Variants in SLC22A9 observed in about 807,000 individuals in gnomAD.
SLC22A9 encodes solute carrier family 22 member 9, also known as organic anion transporter 7.
Under a neutral mutation model 50.1 loss-of-function variants are expected in SLC22A9, and 64 were observed. That is an observed-to-expected ratio of 1.28 (90% CI 1.04 to 1.57). SLC22A9 has a LOEUF of 1.57. Ranked by LOEUF, SLC22A9 falls within the 40% of genes most tolerant of loss-of-function variation. SLC22A9 has a pLI of 0.00. For missense variants in SLC22A9, 757 were observed against 676.1 expected, an observed-to-expected ratio of 1.12 and a Z score of -1.33; for synonymous variants, 261 against 242.5, an observed-to-expected ratio of 1.08 and a Z score of -0.71.
At chr11:63,403,580 C>T (rs1487044085) in intron 6 of SLC22A9, among the ~76,000 whole-genome samples, 2 of 151,976 alleles carry the variant, frequency 1.3e-5, no homozygotes, top group Non-Finnish European at 2.9e-5. Context: ...TAATATTATA[C>T]TCAACAATAA....
intron 6 of SLC22A9, among the ~76,000 whole-genome samples, chr11:63,392,161 T>C (rs2014775279): frequency 6.6e-6 from 1 of 152,090 alleles, no homozygotes; most frequent in Non-Finnish European, 1.5e-5. Context: ...TTTTTAAATC[T>C]TACTGTATTT....
chr11:63,376,182 G>C (rs1024386548), intron 5 of SLC22A9, among the ~76,000 whole-genome samples: 4 of 152,088 alleles, frequency 2.6e-5, no homozygotes, highest in African/African-American at 7.2e-5. Flanking sequence ...TCACTTATTT[G>C]TTCATTCAAT....
intron 6 of SLC22A9, among the ~76,000 whole-genome samples, chr11:63,393,179 G>A (rs189933297): frequency 8.5e-5 from 13 of 152,072 alleles, no homozygotes; most frequent in Admixed American, 8.5e-4. Context: ...GTGTTTTGTA[G>A]CTTTCCTTGT....
intron 6 of SLC22A9, among the ~76,000 whole-genome samples, chr11:63,403,921 C>T (rs2120010697): frequency 6.6e-6 from 1 of 152,044 alleles, no homozygotes; most frequent in South Asian, 2.1e-4. Context: ...ATATAAAATG[C>T]TACACTCACC....
Position 63,408,872 on chromosome 11 carries a change from A to G in SLC22A9, c.1594A>G (p.Lys532Glu). The change falls in exon 9 of 10, where the codon AAA becomes GAA. Residue 532 changes from lysine (K) to glutamate (E), a missense_variant. Coordinates refer to ENST00000279178, the MANE Select transcript of SLC22A9 (RefSeq NM_080866.3). The stretch of plus-strand genomic sequence containing the variant: ...TCTGTTTGACACCATCCAGGATGAG[A>G]AAAATGAGTGAGTAAATAGCCCGGT... ...KPLFDTIQDE[K>E]NERKDPREPK... 7 of 1,613,834 alleles carry G rather than the reference A, an allele frequency of 4.3e-6. No homozygotes were observed. In the Middle Eastern group the frequency reaches 8.3e-4, roughly 191 times the overall value.
chr11:63,378,475 G>A (rs2014503286), intron 5 of SLC22A9, among the ~76,000 whole-genome samples: 3 of 152,008 alleles, frequency 2.0e-5, no homozygotes, highest in Admixed American at 6.6e-5. Flanking sequence ...AGACAAGGAT[G>A]TCCACACTCA....
intron 5 of SLC22A9, among the ~76,000 whole-genome samples, chr11:63,377,240 A>G (rs1203098838): frequency 6.6e-6 from 1 of 152,110 alleles, no homozygotes; most frequent in Non-Finnish European, 1.5e-5. Context: ...CAACAGCAGA[A>G]TATACGTTAT....
chr11:63,398,013 G>A (rs2014889868), intron 6 of SLC22A9, among the ~76,000 whole-genome samples: 1 of 152,090 alleles, frequency 6.6e-6, no homozygotes, highest in South Asian at 2.1e-4. Context: ...GCCAGCACAA[G>A]GCAGAGTCTC....
intron 3 of SLC22A9, 42 bp downstream of exon 3, chr11:63,373,840 T>C (rs2014409626): frequency 6.2e-7 from 1 of 1,604,618 alleles, no homozygotes; most frequent in African/African-American, 1.3e-5. Context: ...AACTGTGACT[T>C]TGAAATTGAA....
chr11:63,382,346 T>A, intron 6 of SLC22A9, 69 bp downstream of exon 6: 2 of 1,081,280 alleles, frequency 1.8e-6, no homozygotes, highest in Non-Finnish European at 1.3e-6. Flanking sequence ...TCATTTCAAG[T>A]AGTACAGCAT....
intron 9 of SLC22A9, among the ~76,000 whole-genome samples, 182 bp downstream of exon 9, chr11:63,409,061 C>T (rs2015090813): frequency 6.6e-6 from 1 of 152,102 alleles, no homozygotes; most frequent in Non-Finnish European, 1.5e-5. Context: ...CTCAGACACC[C>T]TCTGAGGCTC....
intron 5 of SLC22A9, among the ~76,000 whole-genome samples, chr11:63,377,565 A>C (rs1398082348): frequency 1.3e-5 from 2 of 152,092 alleles, no homozygotes; most frequent in Non-Finnish European, 2.9e-5. Context: ...CATGTTAAGA[A>C]GGAAACTTAT....
At chr11:63,408,479 T>C (rs776139547) in intron 8 of SLC22A9, among the ~76,000 whole-genome samples, 197 bp from the exon 9 acceptor site, 2 of 152,198 alleles carry the variant, frequency 1.3e-5, no homozygotes, top group Non-Finnish European at 2.9e-5. Context: ...ATTTCCTAAA[T>C]GATGAAAATG....
intron 6 of SLC22A9, among the ~76,000 whole-genome samples, chr11:63,395,628 G>A (rs1292122680): frequency 6.6e-6 from 1 of 152,168 alleles, no homozygotes; most frequent in African/African-American, 2.4e-5. Flanking sequence ...TGGCTAGTGG[G>A]TGAAATTGAC....
In SLC22A9 at chr11:63,387,293, T is replaced by C. The variant is rs535162379; in HGVS notation, c.1073+5016T>C. ...GTTTGAGGTCTTAGATTTAAGAATT[T>C]AATCCATTTTGATTTTATTTTTGTA... is the stretch of plus-strand genomic sequence containing the variant. On this transcript the variant is annotated intron_variant, in intron 6 of 9. Transcript: ENST00000279178. Among the ~76,000 whole-genome samples, 9 of 152,266 alleles carry C rather than the reference T, an allele frequency of 5.9e-5. 1 individual carries two copies. The South Asian group carries it at 1.9e-3, about 32-fold the overall frequency.
chr11:63,393,105 C>T (rs2014792827), intron 6 of SLC22A9, among the ~76,000 whole-genome samples: 1 of 152,164 alleles, frequency 6.6e-6, no homozygotes, highest in Non-Finnish European at 1.5e-5. Context: ...AATACTGATT[C>T]TACCCATCCA....
intron 5 of SLC22A9, among the ~76,000 whole-genome samples, chr11:63,377,270 A>G (rs886320382): frequency 5.9e-5 from 9 of 152,196 alleles, no homozygotes; most frequent in African/African-American, 1.9e-4. Flanking sequence ...CACATGACAC[A>G]TGCTCTCAAA....
chr11:63,394,474 C>G (rs970705355), intron 6 of SLC22A9, among the ~76,000 whole-genome samples: 8 of 152,092 alleles, frequency 5.3e-5, no homozygotes, highest in Admixed American at 3.3e-4. Context: ...ATCTTTCCTT[C>G]ATATGGGATG....
Position 63,408,233 on chromosome 11 carries a change from A to G in SLC22A9, c.1397+13A>G. ...CCACCATAATCAGGTACAGAACCTT[A>G]AGTATGCCCTGTCAGGTTCAAAATG... On this transcript the variant is annotated intron_variant, in intron 8 of 9. Coordinates refer to ENST00000279178, the MANE Select transcript of SLC22A9 (RefSeq NM_080866.3). The G allele has an allele frequency of 6.2e-7, 1 of 1,601,924 alleles. No individual in the cohort carries two copies. The highest frequency in any genetic ancestry group is 8.6e-7 in the Non-Finnish European group (1 of 1,169,186).
Sources: allele counts gnomAD v4.1 joint callset (sites outside exome capture counted in the v4.1 genomes callset), GRCh38; gene constraint gnomAD v4.1.1; transcripts MANE v1.5; gene names NCBI Gene and HGNC (gene_info 2026-07-23, HGNC 2026-07-21).